The following GABRB1 variants were observed in gnomAD, a reference collection of about 807,000 sequenced individuals.
GABRB1 encodes gamma-aminobutyric acid type A receptor subunit beta1.
Under a neutral mutation model 51.6 loss-of-function variants are expected in GABRB1, and 17 were observed. The ratio of observed to expected loss-of-function variants is 0.33; its 90% CI spans 0.23 to 0.49. The LOEUF (loss-of-function observed/expected upper bound fraction) is 0.49, where lower values mean the gene tolerates loss of function less well. Among genes scored for constraint, GABRB1 ranks in the 20% least tolerant of loss-of-function variants. The pLI, the probability that GABRB1 is intolerant of heterozygous loss-of-function variation, is 0.99. For missense variants in GABRB1, 410 were observed against 600.6 expected (o/e 0.68, Z 3.32); for synonymous variants, 247 against 218.9 (o/e 1.13, Z -1.14).
chr4:47,194,451 G>A (rs949926661), intron 4 of GABRB1, among the ~76,000 whole-genome samples: 1 of 152,068 alleles, frequency 6.6e-6, no homozygotes, highest in African/African-American at 2.4e-5. Flanking sequence ...ACATACAGCT[G>A]TCTTTGGGGG....
At chr4:47,120,717 T>C (rs1037875272) in intron 3 of GABRB1, among the ~76,000 whole-genome samples, 4 of 152,112 alleles carry the variant, frequency 2.6e-5, no homozygotes, top group Non-Finnish European at 4.4e-5. Context: ...GCTAGGTCCT[T>C]CCTCTCAAGG....
intron 3 of GABRB1, among the ~76,000 whole-genome samples, chr4:47,139,796 G>A (rs1176253646): frequency 6.6e-6 from 1 of 151,938 alleles, no homozygotes; most frequent in Non-Finnish European, 1.5e-5. Context: ...AAATTCAGTA[G>A]GCCTAGGGTG....
At chr4:47,309,202 C>A (rs765705054) in intron 4 of GABRB1, among the ~76,000 whole-genome samples, 11 of 152,052 alleles carry the variant, frequency 7.2e-5, no homozygotes, top group Non-Finnish European at 1.6e-4. Flanking sequence ...CACCCTGACA[C>A]TGGAACTTTG....
In GABRB1 at chr4:47,271,160, T is replaced by C. The variant is rs114386541; in HGVS notation, c.462-48967T>C. Among the ~76,000 whole-genome samples, 1,262 of 152,284 alleles carry C rather than the reference T, an allele frequency of 8.3e-3. 11 individuals are homozygous for C. Among genetic ancestry groups the C allele is most frequent in the African/African-American group, 0.029 (1,200 of 41,578 alleles). On this transcript the variant is annotated intron_variant, in intron 4 of 8. Transcript: ENST00000295454. Reference sequence around the variant, plus strand: ...AAATGTTAGGGGAAAAGTGCATTTATTATCTCACAGCCCTGAGAGCCTACC... The same window carrying C: ...AAATGTTAGGGGAAAAGTGCATTTACTATCTCACAGCCCTGAGAGCCTACC...
At chr4:47,181,064 T>C (rs1235985345) in intron 4 of GABRB1, among the ~76,000 whole-genome samples, 1 of 152,042 alleles carries the variant, frequency 6.6e-6, no homozygotes, top group Non-Finnish European at 1.5e-5. Flanking sequence ...AAGACTCAGA[T>C]ACTTTATTAA....
intron 4 of GABRB1, among the ~76,000 whole-genome samples, chr4:47,256,274 T>TGTTAAAAATA (rs1722195564): frequency 6.6e-6 from 1 of 152,232 alleles, no homozygotes; most frequent in African/African-American, 2.4e-5. Flanking sequence ...TCTAATTTTG[T>TGTTAAAAATA]GTTAAAAATA....
At chr4:47,375,645 A>C (rs1727350258) in intron 5 of GABRB1, among the ~76,000 whole-genome samples, 1 of 152,214 alleles carries the variant, frequency 6.6e-6, no homozygotes, top group East Asian at 1.9e-4. Flanking sequence ...TTCTTGAGTC[A>C]TTACAAGGGA....
chr4:47,019,631 CTTTCTT>C (rs879832136), intron 1 of GABRB1, among the ~76,000 whole-genome samples: 1,238 of 118,662 alleles, frequency 0.01, 14 homozygotes, highest in South Asian at 0.018. Context: ...CTCTCTCTTT[CTTTCTT>C]TCTTTCTTTC....
chr4:47,310,616 T>A (rs1001712061), intron 4 of GABRB1, among the ~76,000 whole-genome samples: 4 of 152,190 alleles, frequency 2.6e-5, no homozygotes, highest in Non-Finnish European at 5.9e-5. Flanking sequence ...ATCTAGTCTA[T>A]CTGGGTTTGA....
chr4:47,409,572 G>A (rs1051194838), intron 8 of GABRB1, among the ~76,000 whole-genome samples: 10 of 152,136 alleles, frequency 6.6e-5, no homozygotes, highest in African/African-American at 1.7e-4. Flanking sequence ...CCCAGGATTC[G>A]GGGTTTATAT....
chr4:47,396,016 T>C (rs1728168937), intron 5 of GABRB1, among the ~76,000 whole-genome samples: 1 of 152,200 alleles, frequency 6.6e-6, no homozygotes, highest in African/African-American at 2.4e-5. Context: ...TGCTATAATT[T>C]ATAATTTAGT....
intron 4 of GABRB1, among the ~76,000 whole-genome samples, chr4:47,166,902 G>A (rs1441338607): frequency 6.6e-6 from 1 of 151,986 alleles, no homozygotes; most frequent in Non-Finnish European, 1.5e-5. Flanking sequence ...AACTTTCACA[G>A]TTTTCCTAAC....
At chr4:47,058,450 CA>C (rs1726710915) in intron 3 of GABRB1, among the ~76,000 whole-genome samples, 2 of 152,210 alleles carry the variant, frequency 1.3e-5, no homozygotes, top group African/African-American at 4.8e-5. Context: ...TTTAATTAGA[CA>C]TGCAGAAAGC....
chr4:47,063,279 T>C (rs187234868), intron 3 of GABRB1, among the ~76,000 whole-genome samples: 31 of 152,274 alleles, frequency 2.0e-4, no homozygotes, highest in Non-Finnish European at 3.8e-4. Flanking sequence ...GGAACCTTTT[T>C]TAGGTAAGTG....
At chr4:47,364,256 T>C (rs1273535615) in intron 5 of GABRB1, among the ~76,000 whole-genome samples, 2 of 152,122 alleles carry the variant, frequency 1.3e-5, no homozygotes, top group African/African-American at 2.4e-5. Flanking sequence ...AGGGGAATAA[T>C]TAAAAAGTGG....
intron 4 of GABRB1, among the ~76,000 whole-genome samples, chr4:47,285,966 A>G (rs960107814): frequency 2.0e-5 from 3 of 152,226 alleles, no homozygotes; most frequent in Admixed American, 1.3e-4. Flanking sequence ...TTTGCAATAC[A>G]TATGATTTAA....
chr4:47,207,458 C>T (rs1406721620), intron 4 of GABRB1, among the ~76,000 whole-genome samples: 1 of 151,966 alleles, frequency 6.6e-6, no homozygotes, highest in Admixed American at 6.6e-5. Context: ...CTGACTTCTC[C>T]ATTAAAATTA....
chr4:47,090,483 G>C (rs1180775821), intron 3 of GABRB1, among the ~76,000 whole-genome samples: 1 of 152,196 alleles, frequency 6.6e-6, no homozygotes, highest in Non-Finnish European at 1.5e-5. Flanking sequence ...CTCCTCAGCA[G>C]ATGACTTGGG....
chr4:47,406,674 T>C lies in GABRB1; in HGVS notation c.836-8T>C, dbSNP rs1728583869. On this transcript the variant is annotated splice_polypyrimidine_tract_variant and splice_region_variant and intron_variant, in intron 7 of 8. Coordinates refer to ENST00000295454, the MANE Select transcript of GABRB1 (RefSeq NM_000812.4). ...CCTTCAGCTAAGTGTTGTCTTTCTC[T>C]TTCACAGGAATCACGACAGTGCTTA... 6.2e-7 allele frequency: 1 copy of C among 1,614,084 alleles called. No individual in the cohort carries two copies. The highest frequency in any genetic ancestry group is 8.5e-7 in the Non-Finnish European group (1 of 1,179,946).
Sources: gnomAD v4.1 joint callset for allele counts (sites outside exome capture counted in the v4.1 genomes callset) on GRCh38, gnomAD v4.1.1 for gene constraint, MANE v1.5 for transcripts, NCBI Gene and HGNC (gene_info 2026-07-23, HGNC 2026-07-21) for gene names.